The following IFT46 variants were observed in gnomAD, a reference collection of about 807,000 sequenced individuals.
IFT46 encodes the protein intraflagellar transport 46.
In IFT46, 19 loss-of-function variants were observed where a neutral mutation model predicts 39.6. The observed-to-expected ratio is 0.48, with a 90% CI of 0.33 to 0.70. The LOEUF is 0.70. Among genes scored for constraint, IFT46 ranks in the 30% least tolerant of loss-of-function variants. IFT46 has a pLI of 0.01. For missense variants in IFT46, 334 were observed against 364.8 expected (o/e 0.92, Z 0.69); for synonymous variants, 117 against 134.8 (o/e 0.87, Z 0.91).
chr11:118,557,666 T>C (rs1937885642), intron 3 of IFT46: 2 of 1,562,022 alleles, frequency 1.3e-6, no homozygotes, highest in East Asian at 4.5e-5. Flanking sequence ...CCTTACCCCA[T>C]AAATTACATA....
chr11:118,572,668 T>G, exon 1 of IFT46: 1 of 1,354,390 alleles, frequency 7.4e-7, no homozygotes. Context: ...GCAGAGTGCT[T>G]TTGCTCCGGG....
At chr11:118,549,366 T>G (rs921400432) in intron 9 of IFT46, among the ~76,000 whole-genome samples, 2 of 151,748 alleles carry the variant, frequency 1.3e-5, no homozygotes, top group Non-Finnish European at 2.9e-5. Flanking sequence ...TATTGATATA[T>G]AAGAGCTCTT....
At chr11:118,565,355 G>A (rs145995247) in intron 1 of IFT46, among the ~76,000 whole-genome samples, 20 of 150,426 alleles carry the variant, frequency 1.3e-4, no homozygotes, top group African/African-American at 4.4e-4. Flanking sequence ...ACGACCACGC[G>A]CAAGGGCAGA....
At position 118,551,836 on chromosome 11, in the gene IFT46, C is replaced by G; in HGVS notation, c.622G>C (p.Asp208His). 6.2e-7 allele frequency: 1 copy of G among 1,614,030 alleles called. No homozygotes were observed. The highest frequency in any genetic ancestry group is 8.5e-7 in the Non-Finnish European group (1 of 1,180,004). The part of the protein sequence containing the change: ...VHYTRPMPDI[D>H]TLMQEWSPEF... Reference sequence around the variant, plus strand: ...GGGGACCATTCCTGCATCAGCGTGTCAATGTCGGGCATGGGCCTAAAAGTA... The same window carrying G: ...GGGGACCATTCCTGCATCAGCGTGTGAATGTCGGGCATGGGCCTAAAAGTA... The change falls in exon 9 of 12, where the codon GAC becomes CAC. Residue 208 changes from aspartate to histidine, a missense_variant. Asp to His is a moderately conservative substitution (Grantham distance 81). Transcript: ENST00000264021.
At chr11:118,560,395 C>G (rs1011009522) in intron 2 of IFT46, 44 of 168,614 alleles carry the variant, frequency 2.6e-4, no homozygotes, top group Middle Eastern at 5.5e-3. Flanking sequence ...TGCTGCACTC[C>G]AGCCCGGGCA....
chr11:118,548,020 A>T (rs1168780451), intron 9 of IFT46, among the ~76,000 whole-genome samples: 1 of 147,902 alleles, frequency 6.8e-6, no homozygotes, highest in Non-Finnish European at 1.5e-5. Context: ...TGCTGGGATT[A>T]CAGGCGTGAG....
chr11:118,554,075 G>C (rs1937743467), intron 7 of IFT46, among the ~76,000 whole-genome samples: 2 of 148,964 alleles, frequency 1.3e-5, no homozygotes, highest in African/African-American at 4.9e-5. Flanking sequence ...TTTTGAGATG[G>C]AGTCTAGCTC....
upstream of IFT46, among the ~76,000 whole-genome samples, chr11:118,567,725 T>TA (rs1398917605): frequency 1.0e-3 from 157 of 152,040 alleles, no homozygotes; most frequent in African/African-American, 3.5e-3. Flanking sequence ...GAACTGCATT[T>TA]AAAAAAAAAT....
At position 118,556,965 on chromosome 11, in the gene IFT46, T is replaced by G; in HGVS notation, c.126A>C (p.Ser42=). The G allele has an allele frequency of 6.2e-7, 1 of 1,611,926 alleles. No homozygotes were observed. The change falls in exon 4 of 12, where the codon TCA becomes TCC. Residue 42 remains serine (S), a synonymous_variant. Transcript: ENST00000264021. Reference sequence around the variant, plus strand: ...CATCAGAATCAGAATCAGTTTCAGATGAATCATCATCATCATCATCGTCAT... The same window carrying G: ...CATCAGAATCAGAATCAGTTTCAGAGGAATCATCATCATCATCATCGTCAT... ...NEDDDDDDDD[S]SETDSDSDDD...
chr11:118,544,948 C>G lies in IFT46; in HGVS notation c.883G>C (p.Ala295Pro). 1 of 1,613,828 alleles carries G rather than the reference C, an allele frequency of 6.2e-7. No individual in the cohort carries two copies. The highest frequency in any genetic ancestry group is 1.1e-5 in the South Asian group (1 of 90,990). Reference sequence around the variant, plus strand: ...AAGGTTAATGTCTCCATGTCTCCAGCTTGGGAGGTGGAATTGGATGAAGGA... The same window carrying G: ...AAGGTTAATGTCTCCATGTCTCCAGGTTGGGAGGTGGAATTGGATGAAGGA... Reference protein sequence around the residue: ...FTPSSNSTSQAGDMETLTFS With the variant: ...FTPSSNSTSQPGDMETLTFS The change falls in exon 12 of 12, where the codon GCT (alanine) becomes CCT (proline). Residue 295 changes from alanine to proline, a missense_variant. By Grantham distance (27) the Ala-to-Pro change is conservative (BLOSUM62 -1). Transcript: ENST00000264021.
In IFT46 at chr11:118,559,817, T is replaced by C. The variant is rs1591369405; in HGVS notation, c.13A>G (p.Ser5Gly). The C allele has an allele frequency of 6.2e-7, 1 of 1,613,578 alleles. No individual in the cohort carries two copies. Among genetic ancestry groups the C allele is most frequent in the Admixed American group, 1.7e-5 (1 of 60,026 alleles). Residue 5 changes from serine (S) to glycine (G), a missense_variant, in exon 3 of 12, where the codon AGC becomes GGC. Physicochemically the swap from Ser to Gly is moderately conservative, Grantham distance 56. Transcript: ENST00000264021. MADN[S>G]SDECEEENNK... ...TTTTCCTCTTCACACTCATCACTGC[T>C]GTTATCAGCCATAGCCTTGTTAGGA...
intron 9 of IFT46, among the ~76,000 whole-genome samples, chr11:118,549,106 C>T (rs1478130295): frequency 6.6e-6 from 1 of 151,790 alleles, no homozygotes; most frequent in African/African-American, 2.4e-5. Flanking sequence ...GCCATGTTGG[C>T]CAGGCTGGTC....
At chr11:118,559,992 G>A in intron 2 of IFT46, 128 bp from the exon 3 acceptor site, 1 of 628,230 alleles carries the variant, frequency 1.6e-6, no homozygotes, top group African/African-American at 1.8e-5. Flanking sequence ...TCTGGCTAAA[G>A]AGACAGGAGA....
At chr11:118,564,481 C>T (rs1391424205) in intron 2 of IFT46, among the ~76,000 whole-genome samples, 2 of 152,034 alleles carry the variant, frequency 1.3e-5, no homozygotes, top group Admixed American at 6.6e-5. Flanking sequence ...GAGGCCAAAG[C>T]GGAAGGACTG....
At chr11:118,575,414 G>A (rs1938471068), upstream of IFT46, among the ~76,000 whole-genome samples, 1 of 149,666 alleles carries the variant, frequency 6.7e-6, no homozygotes, top group Non-Finnish European at 1.5e-5. Context: ...GATAACGGGT[G>A]TGTGTGTGTG....
At chr11:118,553,239 C>T (rs1231568640) in intron 7 of IFT46, among the ~76,000 whole-genome samples, 5 of 151,980 alleles carry the variant, frequency 3.3e-5, no homozygotes, top group South Asian at 4.1e-4. Context: ...GTCAGGAGTT[C>T]GAGACCAGCC....
intron 7 of IFT46, among the ~76,000 whole-genome samples, chr11:118,553,210 G>A (rs112440162): frequency 1.6e-4 from 24 of 152,274 alleles, no homozygotes; most frequent in African/African-American, 5.3e-4. Flanking sequence ...GGGAGGCCGA[G>A]GTGGGTGGAT....
At chr11:118,552,428 G>A (rs1231813385) in intron 7 of IFT46, 93 bp from the exon 8 acceptor site, 19 of 1,466,224 alleles carry the variant, frequency 1.3e-5, no homozygotes, top group Middle Eastern at 2.4e-4. Flanking sequence ...TTTCATATTC[G>A]AGCTTGCTGA....
intron 2 of IFT46, among the ~76,000 whole-genome samples, chr11:118,564,658 C>A (rs1938167423): frequency 6.6e-6 from 1 of 151,734 alleles, no homozygotes. Flanking sequence ...TATGAAGCAT[C>A]TTCAAAGCTA....
Sources: gnomAD v4.1 joint callset for allele counts (sites outside exome capture counted in the v4.1 genomes callset) on GRCh38, gnomAD v4.1.1 for gene constraint, MANE v1.5 for transcripts, NCBI Gene and HGNC (gene_info 2026-07-23, HGNC 2026-07-21) for gene names.